PCDHGA3: variants seen among roughly 807,000 people sequenced by gnomAD.
PCDHGA3 encodes the protein protocadherin gamma subfamily A, 3, also known as protocadherin gamma-A3.
In PCDHGA3, 40 loss-of-function variants were observed where a neutral mutation model predicts 58.5. That is an observed-to-expected ratio of 0.68 (90% confidence interval 0.53 to 0.89). The LOEUF (loss-of-function observed/expected upper bound fraction) is 0.89. Among genes scored for constraint, PCDHGA3 ranks in the 40% least tolerant of loss-of-function variants. The pLI, the probability that PCDHGA3 is intolerant of heterozygous loss-of-function variation, is 0.00. For synonymous variants in PCDHGA3, 530 were observed against 525.7 expected, an observed-to-expected ratio of 1.01 and a Z score of -0.11; for missense variants, 1,223 against 1,195.9, an observed-to-expected ratio of 1.02 and a Z score of -0.33.
At position 141,431,106 on chromosome 5, in the gene PCDHGA3, T is replaced by C. The variant is rs566174531; in HGVS notation, c.2425-63701T>C. 25 of 1,614,108 alleles carry C rather than the reference T, an allele frequency of 1.5e-5. No homozygotes were observed. In the South Asian group the frequency reaches 2.7e-4, roughly 18 times the overall value. On this transcript the variant is annotated intron_variant, in intron 1 of 3. Transcript: ENST00000253812. This position sits in a 1 kb window ranked among gnomAD's most constrained non-coding sequence, Gnocchi z 4.8. ...ATTCTGATGGAGGATAAAGTGAAAA[T>C]ATATGGAGTAGAAGTAGAAGTAAGG...
At chr5:141,424,577 A>T (rs958508704) in intron 1 of PCDHGA3, 1 of 152,206 alleles carries the variant, frequency 6.6e-6, no homozygotes, top group Non-Finnish European at 1.5e-5. Context: ...ACCTATTTTC[A>T]AATGTGCTAA....
chr5:141,415,896 AC>A, intron 1 of PCDHGA3: 1 of 882,726 alleles, frequency 1.1e-6, no homozygotes, highest in East Asian at 3.3e-5. Flanking sequence ...AATTCCTAAG[AC>A]AGACTTCCAT....
In PCDHGA3 at chr5:141,345,156, G is replaced by A. The variant is rs769280964; in HGVS notation, c.1123G>A (p.Asp375Asn). The stretch of plus-strand genomic sequence containing the variant: ...TGCTCTTATCGACGTGCATGACCGA[G>A]ATTCTGGGCAGAATGGGCAGGTTGA... ...EIALIDVHDR[D>N]SGQNGQVEVF... is the part of the protein sequence containing the mutation. Residue 375 changes from aspartate (D) to asparagine (N), a missense_variant, in exon 1 of 4, where the codon GAT (aspartate) becomes AAT (asparagine). Around this residue, in one of 3 missense-constraint regions of PCDHGA3, gnomAD observed 791 missense variants for 708.5 expected, o/e 1.12. Coordinates refer to ENST00000253812, the MANE Select transcript of PCDHGA3 (RefSeq NM_018916.4). 1.1e-4 allele frequency: 182 copies of A among 1,613,910 alleles called. No homozygotes were observed. The highest frequency in any genetic ancestry group is 1.7e-4 in the Admixed American group (10 of 60,010).
intron 1 of PCDHGA3, among the ~76,000 whole-genome samples, chr5:141,459,613 C>T (rs1040874685): frequency 2.6e-5 from 4 of 152,188 alleles, no homozygotes; most frequent in African/African-American, 9.7e-5. Context: ...ATATGCTTAA[C>T]TTTATAAGAA....
chr5:141,362,901 G>C (rs1323871801), intron 1 of PCDHGA3, among the ~76,000 whole-genome samples: 2 of 152,148 alleles, frequency 1.3e-5, no homozygotes, highest in Non-Finnish European at 2.9e-5. Flanking sequence ...CTTCCTCTTA[G>C]AATCATAATA....
chr5:141,482,363 G>C (rs2099556985), intron 1 of PCDHGA3, among the ~76,000 whole-genome samples: 1 of 152,086 alleles, frequency 6.6e-6, no homozygotes, highest in African/African-American at 2.4e-5. Flanking sequence ...AGAGTGAAAA[G>C]TAATGCATAT....
chr5:141,355,881 G>A (rs1338727421), intron 1 of PCDHGA3: 1 of 1,613,360 alleles, frequency 6.2e-7, no homozygotes, highest in East Asian at 2.2e-5. Context: ...GCACTGCCAG[G>A]ATTCTCATAA....
intron 1 of PCDHGA3, chr5:141,383,110 A>G (rs754398892): frequency 1.9e-6 from 3 of 1,614,020 alleles, no homozygotes; most frequent in South Asian, 1.1e-5. Flanking sequence ...CTCCAGAGGT[A>G]GGACGCAGCT....
At position 141,486,038 on chromosome 5, in the gene PCDHGA3, G is replaced by T; in HGVS notation, c.2425-8769G>T. The stretch of plus-strand genomic sequence containing the variant: ...TTTCAGTGGTCATACCCCTGATCGT[G>T]TAAGAAACCTCTTTAGCCTGCACCC... On this transcript the variant is annotated intron_variant, in intron 1 of 3. Coordinates refer to ENST00000253812, the MANE Select transcript of PCDHGA3 (RefSeq NM_018916.4). This position sits in a 1 kb window ranked among gnomAD's most constrained non-coding sequence, Gnocchi z 5.0. The T allele has an allele frequency of 3.1e-6, 5 of 1,614,184 alleles. No individual in the cohort carries two copies. Among genetic ancestry groups the T allele is most frequent in the Non-Finnish European group, 4.2e-6 (5 of 1,180,018 alleles).
intron 1 of PCDHGA3, chr5:141,428,444 T>C (rs2097139811): frequency 5.3e-6 from 2 of 379,264 alleles, no homozygotes; most frequent in Non-Finnish European, 1.0e-5. Context: ...AGACCAGGGG[T>C]TTTTCCCAAC....
chr5:141,499,223 C>T (rs1478344280), intron 2 of PCDHGA3, among the ~76,000 whole-genome samples: 2 of 152,112 alleles, frequency 1.3e-5, no homozygotes, highest in African/African-American at 4.8e-5. Context: ...CCCTGCCCTG[C>T]AGCTGTCCCC....
rs113212669 is a variant in PCDHGA3 at position 141,465,048 on chromosome 5, A to T, written c.2425-29759A>T. 2.4e-3 allele frequency among the ~76,000 whole-genome samples: 362 copies of T among 151,344 alleles called. 4 individuals are homozygous for T. Among genetic ancestry groups the T allele is most frequent in the African/African-American group, 8.4e-3 (346 of 41,268 alleles). On this transcript the variant is annotated intron_variant, in intron 1 of 3. Transcript: ENST00000253812. ...TGAACCACCACAAATGACCCTATAT[A>T]TTTTTTTGAATTGTCTGTTCATGTC...
At chr5:141,460,872 T>C (rs2098999714) in intron 1 of PCDHGA3, among the ~76,000 whole-genome samples, 1 of 151,064 alleles carries the variant, frequency 6.6e-6, no homozygotes, top group South Asian at 2.1e-4. Flanking sequence ...GCAAAGGACA[T>C]TATTTCATGC....
chr5:141,502,246 T>A (rs1449536622), intron 2 of PCDHGA3, among the ~76,000 whole-genome samples: 1 of 152,206 alleles, frequency 6.6e-6, no homozygotes, highest in African/African-American at 2.4e-5. Flanking sequence ...TTTATCCTTT[T>A]TTTTAATCCA....
At chr5:141,375,843 T>A (rs762152746) in intron 1 of PCDHGA3, 20 of 1,613,928 alleles carry the variant, frequency 1.2e-5, no homozygotes, top group Non-Finnish European at 1.6e-5. Context: ...CCCGGCTACC[T>A]GGTGACCAAG....
rs1406362621 is a variant in PCDHGA3, at chr5:141,477,099, G to A, written c.2425-17708G>A. On this transcript the variant is annotated intron_variant, in intron 1 of 3. Transcript: ENST00000253812. This position sits in a 1 kb window ranked among gnomAD's most constrained non-coding sequence, Gnocchi z 4.9. ...ATTTACATCCAGGCCAAAGACAAGG[G>A]CGCCAATCCCGAAGGAGCACATTGC... The A allele has an allele frequency of 6.2e-7, 1 of 1,614,256 alleles. No individual in the cohort carries two copies. Among genetic ancestry groups the A allele is most frequent in the Non-Finnish European group, 8.5e-7 (1 of 1,180,054 alleles).
rs1008664105 is a variant in PCDHGA3, at chr5:141,432,402, T to C, written c.2425-62405T>C. 6.2e-7 allele frequency: 1 copy of C among 1,614,194 alleles called. No homozygotes were observed. The highest frequency in any genetic ancestry group is 1.1e-5 in the South Asian group (1 of 91,082). On this transcript the variant is annotated intron_variant, in intron 1 of 3. Transcript: ENST00000253812. The surrounding 1 kb of genome is among the most constrained non-coding windows in gnomAD (Gnocchi z 6.0). ...CCGCCCCTCAGCAGCAACGTGTCGT[T>C]GAGCCTGTTCGTGCTGGACCAGAAC...
chr5:141,412,093 GCA>G (rs1252719565), intron 1 of PCDHGA3: 2 of 152,146 alleles, frequency 1.3e-5, no homozygotes, highest in Non-Finnish European at 2.9e-5. Flanking sequence ...GGGTTGATGG[GCA>G]CACACAGTTG....
intron 1 of PCDHGA3, chr5:141,478,282 G>A: frequency 6.2e-7 from 1 of 1,614,184 alleles, no homozygotes; most frequent in Non-Finnish European, 8.5e-7. Flanking sequence ...AGTGGAAGCA[G>A]TCTAGAGACC....
Sources: allele counts gnomAD v4.1 joint callset (sites outside exome capture counted in the v4.1 genomes callset), GRCh38; gene constraint gnomAD v4.1.1; regional missense constraint gnomAD v4.1.1; non-coding constraint Gnocchi (gnomAD v3.1); transcripts MANE v1.5; gene names NCBI Gene and HGNC (gene_info 2026-07-23, HGNC 2026-07-21).